The following DPP8 variants were observed in gnomAD, a reference collection of about 807,000 sequenced individuals.
DPP8 encodes the protein dipeptidyl peptidase 8, also known as DPP VIII.
Under a neutral mutation model 107.5 loss-of-function variants are expected in DPP8, and 31 were observed. The observed-to-expected ratio is 0.29, with a 90% confidence interval of 0.22 to 0.39. The LOEUF is 0.39. Ranked by LOEUF, DPP8 falls within the 10% of genes least tolerant of loss-of-function variation. The pLI is 1.00. For synonymous variants in DPP8, 381 were observed against 356.6 expected (o/e 1.07, Z -0.77); for missense variants, 842 against 1,076.1 (o/e 0.78, Z 3.04).
chr15:65,449,520 A>G (rs1202430658), intron 19 of DPP8, among the ~76,000 whole-genome samples: 1 of 151,468 alleles, frequency 6.6e-6, no homozygotes, highest in East Asian at 2.0e-4. Flanking sequence ...AGCAATTCTC[A>G]TGCCTCAGCT....
intron 3 of DPP8, 113 bp from the exon 4 acceptor site, chr15:65,500,892 T>C: frequency 1.1e-6 from 1 of 888,858 alleles, no homozygotes; most frequent in East Asian, 2.6e-5. Context: ...TTTTTTTTTT[T>C]TTTGAGACAG....
intron 3 of DPP8, among the ~76,000 whole-genome samples, chr15:65,506,512 G>C (rs2070018233): frequency 6.6e-6 from 1 of 151,778 alleles, no homozygotes; most frequent in Admixed American, 6.6e-5. Flanking sequence ...ACTGTGGGAA[G>C]CCGAGGCAGG....
chr15:65,451,353 T>C (rs1298133406), intron 18 of DPP8, among the ~76,000 whole-genome samples: 3 of 152,198 alleles, frequency 2.0e-5, no homozygotes, highest in Non-Finnish European at 1.5e-5. Flanking sequence ...TCTATAATTA[T>C]AGCATGTCCC....
At chr15:65,477,300 TAGG>T (rs1254143656) in intron 11 of DPP8, among the ~76,000 whole-genome samples, 1 of 151,638 alleles carries the variant, frequency 6.6e-6, no homozygotes, top group African/African-American at 2.4e-5. Context: ...GAGGCTGAGG[TAGG>T]AGAATTGCTT....
chr15:65,489,482 T>C (rs1261091435), intron 6 of DPP8, among the ~76,000 whole-genome samples: 4 of 144,418 alleles, frequency 2.8e-5, no homozygotes, highest in Non-Finnish European at 1.5e-5. Flanking sequence ...GGCGTGATCT[T>C]GGCTCATTGC....
intron 7 of DPP8, among the ~76,000 whole-genome samples, chr15:65,485,544 CAAAAAAAA>C (rs56940292): frequency 1.6e-5 from 1 of 61,282 alleles, no homozygotes; most frequent in Non-Finnish European, 3.4e-5. Context: ...GACTCCATCT[CAAAAAAAA>C]AAAAAAAAAA....
intron 15 of DPP8, among the ~76,000 whole-genome samples, chr15:65,462,067 C>T (rs978314091): frequency 3.3e-5 from 5 of 152,170 alleles, no homozygotes; most frequent in African/African-American, 7.2e-5. Flanking sequence ...CTCCCAGGTT[C>T]GAGCAATTCT....
Position 65,481,546 on chromosome 15 carries a change from C to G in DPP8, c.1087G>C (p.Ala363Pro). The G allele has an allele frequency of 1.9e-6, 3 of 1,592,908 alleles. No individual in the cohort carries two copies. Among genetic ancestry groups the G allele is most frequent in the Non-Finnish European group, 1.7e-6 (2 of 1,171,144 alleles). Residue 363 changes from alanine to proline, a missense_variant, in exon 9 of 20, where the codon GCC becomes CCC. Ala to Pro is a conservative substitution (Grantham distance 27). Around this residue, in one of 2 missense-constraint regions of DPP8, gnomAD observed 663 missense variants for 758.0 expected, o/e 0.87. Coordinates refer to ENST00000300141, the MANE Select transcript of DPP8 (RefSeq NM_130434.5). ...CCCTCAGGAGTCCATCCAGCTCTGG[C>G]AATATATTCAACTCCTTCAAATAGA... ...EILFEGVEYI[A>P]RAGWTPEGKY...
chr15:65,471,094 T>A (rs2065854083), intron 12 of DPP8, among the ~76,000 whole-genome samples: 1 of 152,198 alleles, frequency 6.6e-6, no homozygotes, highest in East Asian at 1.9e-4. Context: ...CTCAGCATTA[T>A]GTAATGACTC....
At chr15:65,509,997 G>A (rs1352918913) in intron 2 of DPP8, among the ~76,000 whole-genome samples, 1 of 151,792 alleles carries the variant, frequency 6.6e-6, no homozygotes, top group East Asian at 1.9e-4. Flanking sequence ...CTCCAGCCTG[G>A]GCAACAGAGT....
chr15:65,451,819 G>A (rs998640512), intron 18 of DPP8, 141 bp downstream of exon 18: 35 of 789,914 alleles, frequency 4.4e-5, no homozygotes, highest in Non-Finnish European at 5.6e-5. Context: ...CCAGCTACTC[G>A]GGGGCTGAGG....
intron 19 of DPP8, among the ~76,000 whole-genome samples, chr15:65,449,868 A>C (rs1369486392): frequency 6.6e-6 from 1 of 152,160 alleles, no homozygotes; most frequent in Non-Finnish European, 1.5e-5. Flanking sequence ...AAAATGTAAA[A>C]TATTGCTGTT....
intron 15 of DPP8, chr15:65,458,751 AC>A (rs1277120421): frequency 6.6e-6 from 1 of 152,230 alleles, no homozygotes; most frequent in Non-Finnish European, 1.5e-5. Flanking sequence ...TGCTGTTTCA[AC>A]ATATTTCCAC....
chr15:65,447,150 A>C lies in DPP8; in HGVS notation c.2527-144T>G, dbSNP rs373747245. 4 of 528,318 alleles carry C rather than the reference A, an allele frequency of 7.6e-6. No homozygotes were observed. In the East Asian group the frequency reaches 1.4e-4, roughly 18 times the overall value. The allele number at this position is 528,318 out of a possible 1,614,324, so 32.7% of individuals were successfully genotyped here. A position where few individuals can be genotyped will look rare whatever the true frequency, so the allele number is the denominator to read the frequency against. On this transcript the variant is annotated intron_variant, in intron 19 of 19. Transcript: ENST00000300141. ...AATATTGTAGAATAAATCCTATCTA[A>C]ACGCTCCTCTCTTCATCTTATGATT...
At chr15:65,465,660 A>C (rs1181672459) in intron 14 of DPP8, among the ~76,000 whole-genome samples, 1 of 150,018 alleles carries the variant, frequency 6.7e-6, no homozygotes, top group Non-Finnish European at 1.5e-5. Flanking sequence ...GGTTCAAGCG[A>C]TTCTCCTGCC....
chr15:65,509,345 C>T (rs1056408879), intron 2 of DPP8, among the ~76,000 whole-genome samples: 1 of 152,160 alleles, frequency 6.6e-6, no homozygotes, highest in Admixed American at 6.6e-5. Flanking sequence ...CAGCCATTCC[C>T]CCACAATCAT....
rs916335513 is a variant in DPP8 at position 65,501,184 on chromosome 15, AT to A, written c.373-406del. 6.1e-4 allele frequency among the ~76,000 whole-genome samples: 91 copies of A among 148,406 alleles called. 2 individuals carry two copies. Among genetic ancestry groups the A allele is most frequent in the African/African-American group, 2.1e-3 (87 of 40,510 alleles). ...GAGACACCGCGCCTGGCGACTCTACATTTTTTTTTTCAGCCTTCTAATTCAC... is the reference window on the plus strand; with the variant it reads ...GAGACACCGCGCCTGGCGACTCTACATTTTTTTTTCAGCCTTCTAATTCAC... On this transcript the variant is annotated intron_variant, in intron 3 of 19. Coordinates refer to ENST00000300141, the MANE Select transcript of DPP8 (RefSeq NM_130434.5).
At chr15:65,492,178 C>T (rs1442598037) in intron 5 of DPP8, among the ~76,000 whole-genome samples, 1 of 151,944 alleles carries the variant, frequency 6.6e-6, no homozygotes, top group African/African-American at 2.4e-5. Context: ...CCCGCCTCTA[C>T]AAAAAATACA....
At chr15:65,507,997 G>A (rs931117991) in intron 2 of DPP8, among the ~76,000 whole-genome samples, 23 of 152,070 alleles carry the variant, frequency 1.5e-4, no homozygotes, top group Admixed American at 2.0e-4. Flanking sequence ...CAGCACTTTG[G>A]GAGCCCGAGG....
Sources: allele counts gnomAD v4.1 joint callset (sites outside exome capture counted in the v4.1 genomes callset), GRCh38; gene constraint gnomAD v4.1.1; regional missense constraint gnomAD v4.1.1; transcripts MANE v1.5; gene names NCBI Gene and HGNC (gene_info 2026-07-23, HGNC 2026-07-21).